The following FAM161A variants were observed in gnomAD, a reference collection of about 807,000 sequenced individuals.
FAM161A encodes FAM161 centrosomal protein A, also known as protein FAM161A.
In FAM161A, 57 loss-of-function variants were observed where a neutral mutation model predicts 70.9. The observed-to-expected ratio is 0.80, with a 90% CI of 0.65 to 1.00. FAM161A has a LOEUF of 1.00. Among genes scored for constraint, FAM161A ranks in the 50% least tolerant of loss-of-function variants. The probability of loss-of-function intolerance (pLI) is 0.00; values close to 1 mark genes in which losing one functional copy is unlikely to be tolerated. For synonymous variants in FAM161A, 299 were observed against 295.7 expected (o/e 1.01, Z -0.12); for missense variants, 880 against 836.0 (o/e 1.05, Z -0.65).
In FAM161A at chr2:61,838,697, A is replaced by G. The variant is rs747699789; in HGVS notation, c.1592T>C (p.Leu531Pro). 7.5e-6 allele frequency: 12 copies of G among 1,607,252 alleles called. No homozygotes were observed. The East Asian group carries it at 8.9e-5, about 12-fold the overall frequency. The change falls in exon 4 of 7, where the codon CTT (leucine) becomes CCT (proline). Residue 531 changes from leucine (L) to proline (P), a missense_variant. By Grantham distance (98) the Leu-to-Pro change is moderately conservative (BLOSUM62 -3). Coordinates refer to ENST00000404929, the MANE Select transcript of FAM161A (RefSeq NM_001201543.2). ...RGREQAVRRS[L>P]EEKKMLEEER... The stretch of plus-strand genomic sequence containing the variant: ...TTCTTCCAACATTTTCTTTTCCTCA[A>G]GTGATCTCCTGAGGGTAACAAACTA...
intron 1 of FAM161A, among the ~76,000 whole-genome samples, chr2:61,852,767 A>C (rs1187828818): frequency 6.6e-6 from 1 of 152,168 alleles, no homozygotes; most frequent in East Asian, 1.9e-4. Context: ...GTGTTGCTAA[A>C]GATGTTCTCA....
At chr2:61,841,986 T>A in intron 2 of FAM161A, 136 bp downstream of exon 2, 2 of 685,864 alleles carry the variant, frequency 2.9e-6, no homozygotes, top group Non-Finnish European at 5.1e-6. Flanking sequence ...ACATTTTGAA[T>A]AAAATCCTAC....
At chr2:61,822,608 G>A (rs186687384), downstream of FAM161A, among the ~76,000 whole-genome samples, 57 of 151,948 alleles carry the variant, frequency 3.8e-4, no homozygotes, top group South Asian at 1.9e-3. Context: ...TTTTTGAAAC[G>A]GGGTTTTCAC....
chr2:61,846,255 G>A (rs925765424), intron 1 of FAM161A, among the ~76,000 whole-genome samples: 4 of 152,174 alleles, frequency 2.6e-5, no homozygotes, highest in Non-Finnish European at 5.9e-5. Flanking sequence ...CATGGCTGCC[G>A]GATAAAAGGA....
chr2:61,848,620 A>G (rs1393261222), intron 1 of FAM161A, among the ~76,000 whole-genome samples: 2 of 151,020 alleles, frequency 1.3e-5, no homozygotes, highest in African/African-American at 2.4e-5. Context: ...ATTAGTAATC[A>G]GCACCTATGA....
At chr2:61,849,553 G>A (rs1413339117) in intron 1 of FAM161A, among the ~76,000 whole-genome samples, 2 of 152,054 alleles carry the variant, frequency 1.3e-5, no homozygotes, top group African/African-American at 2.4e-5. Flanking sequence ...GGGAGGTCAA[G>A]GCTGGCGAAT....
At chr2:61,810,025 G>C in the FAM161A span, among the ~76,000 whole-genome samples, 10 of 152,186 alleles carry the variant, frequency 6.6e-5, no homozygotes, top group Non-Finnish European at 1.3e-4. Flanking sequence ...CCATATTATT[G>C]TAGCCACTGA....
At chr2:61,829,944 G>C (rs1156904839) in intron 5 of FAM161A, among the ~76,000 whole-genome samples, 1 of 151,636 alleles carries the variant, frequency 6.6e-6, no homozygotes, top group Non-Finnish European at 1.5e-5. Context: ...AGCAGCAATA[G>C]TTCCAGCAAA....
At chr2:61,827,922 C>G (rs1672435918) in intron 5 of FAM161A, among the ~76,000 whole-genome samples, 2 of 152,068 alleles carry the variant, frequency 1.3e-5, no homozygotes, top group Non-Finnish European at 2.9e-5. Flanking sequence ...AGTTACATGC[C>G]ACAACATGGA....
chr2:61,840,488 G>C lies in FAM161A; in HGVS notation c.516C>G (p.Ser172=), dbSNP rs767300885. 3 of 1,613,716 alleles carry C rather than the reference G, an allele frequency of 1.9e-6. No homozygotes were observed. The East Asian group carries it at 6.7e-5, about 36-fold the overall frequency. Residue 172 remains serine (S), a synonymous_variant, in exon 3 of 7, where the codon TCC becomes TCG. Transcript: ENST00000404929. ...GGTTGGGTAACTCCTCTTCAGAGGAGGACACATACAAGGAGGAAGACTGGC... is the reference window on the plus strand; with the variant it reads ...GGTTGGGTAACTCCTCTTCAGAGGACGACACATACAAGGAGGAAGACTGGC... ...DLGQSSSLYV[S]SSEEELPNLE...
rs750983510 is a variant in FAM161A at position 61,839,538 on chromosome 2, G to A, written c.1466C>T (p.Pro489Leu). The A allele has an allele frequency of 4.3e-6, 7 of 1,614,030 alleles. No homozygotes were observed. In the African/African-American group the frequency reaches 9.3e-5, roughly 22 times the overall value. Residue 489 changes from proline (P) to leucine (L), a missense_variant, in exon 3 of 7, where the codon CCT (proline) becomes CTT (leucine). Physicochemically the swap from Pro to Leu is moderately conservative, Grantham distance 98. Transcript: ENST00000404929. Reference sequence around the variant, plus strand: ...TGACTTACGCCTTGGAGACAAATAAGGCCAACGTGTTTCTTTTAAATTTTC... The same window carrying A: ...TGACTTACGCCTTGGAGACAAATAAAGCCAACGTGTTTCTTTTAAATTTTC... ...DEENLKETRW[P>L]YLSPRRKSPV...
At chr2:61,845,465 T>G (rs1673171375) in intron 1 of FAM161A, among the ~76,000 whole-genome samples, 1 of 152,088 alleles carries the variant, frequency 6.6e-6, no homozygotes. Context: ...AGGGAGCTTT[T>G]GTTTCGTTTG....
chr2:61,838,892 A>ATTT (rs746321568), intron 3 of FAM161A, among the ~76,000 whole-genome samples, 187 bp from the exon 4 acceptor site: 1,407 of 130,304 alleles, frequency 0.011, 46 homozygotes, highest in African/African-American at 0.035. Context: ...TTATTTATTT[A>ATTT]TTTTTTTTGA....
intron 5 of FAM161A, among the ~76,000 whole-genome samples, chr2:61,832,575 A>G (rs1381169702): frequency 6.6e-6 from 1 of 152,202 alleles, no homozygotes; most frequent in Non-Finnish European, 1.5e-5. Context: ...GGTCCCTACC[A>G]CGAACTAGGT....
the FAM161A span, chr2:61,803,160 T>C: frequency 8.0e-5 from 39 of 489,008 alleles, no homozygotes; most frequent in Middle Eastern, 6.0e-4. Context: ...TTGATGTCCT[T>C]CATCCCGGGA....
At chr2:61,837,584 C>T (rs2105076374) in intron 4 of FAM161A, among the ~76,000 whole-genome samples, 1 of 152,232 alleles carries the variant, frequency 6.6e-6, no homozygotes, top group East Asian at 1.9e-4. Flanking sequence ...GCTTGGCCAA[C>T]ATGGCAAAAC....
Position 61,839,774 on chromosome 2 carries a change from CCTGGGG to C in FAM161A, c.1224_1229del (p.Asn408_Arg410delinsLys), listed in dbSNP as rs1672931486. ...TCAACTTTACAGCCTGTTCAGGACA[CCTGGGG>C]TTCCTGCATCCACAAGCTGACCTAC... On this transcript the variant is annotated inframe_deletion, in exon 3 of 7. Transcript: ENST00000404929. 1 of 1,614,090 alleles carries C rather than the reference CCTGGGG, an allele frequency of 6.2e-7. No homozygotes were observed. The highest frequency in any genetic ancestry group is 1.1e-5 in the South Asian group (1 of 91,078).
intron 1 of FAM161A, among the ~76,000 whole-genome samples, chr2:61,844,036 G>C (rs1280860518): frequency 6.6e-6 from 1 of 152,054 alleles, no homozygotes; most frequent in East Asian, 1.9e-4. Flanking sequence ...CCAGCTACTC[G>C]GGAGGCTGCA....
At position 61,840,367 on chromosome 2, in the gene FAM161A, G is replaced by A. The variant is rs774563563; in HGVS notation, c.637C>T (p.Arg213Cys). 31 of 1,613,926 alleles carry A rather than the reference G, an allele frequency of 1.9e-5. No individual in the cohort carries two copies. The highest frequency in any genetic ancestry group is 3.3e-5 in the Admixed American group (2 of 59,972). The change falls in exon 3 of 7, where the codon CGC becomes TGC. Residue 213 changes from arginine (R) to cysteine (C), a missense_variant. By Grantham distance (180) the Arg-to-Cys change is radical. Transcript: ENST00000404929. ...WTDFCVEDYI[R>C]CKDTGFHAAE... ...GCATGGAAGCCAGTATCTTTACAGC[G>A]AATATAATCCTCAACACAAAAGTCT...
Sources: allele counts gnomAD v4.1 joint callset (sites outside exome capture counted in the v4.1 genomes callset), GRCh38; gene constraint gnomAD v4.1.1; transcripts MANE v1.5; gene names NCBI Gene and HGNC (gene_info 2026-07-23, HGNC 2026-07-21).